XRCC4: variants seen among roughly 807,000 people sequenced by gnomAD.
XRCC4 encodes DNA repair protein XRCC4.
In XRCC4, 28 loss-of-function variants were observed where a neutral mutation model predicts 39.1. The ratio of observed to expected loss-of-function variants is 0.72; its 90% confidence interval spans 0.53 to 0.98. The LOEUF (loss-of-function observed/expected upper bound fraction) is 0.98, where lower values mean the gene tolerates loss of function less well. Ranked by LOEUF, XRCC4 falls within the 50% of genes least tolerant of loss-of-function variation. The pLI is 0.00. For missense variants in XRCC4, 350 were observed against 376.4 expected, an observed-to-expected ratio of 0.93 and a Z score of 0.58; for synonymous variants, 123 against 126.4, an observed-to-expected ratio of 0.97 and a Z score of 0.18.
intron 1 of XRCC4, among the ~76,000 whole-genome samples, chr5:83,086,231 G>T (rs997180003): frequency 1.3e-5 from 2 of 152,160 alleles, no homozygotes; most frequent in African/African-American, 4.8e-5. Context: ...TAGCTATAGA[G>T]TTGACCCTTG....
chr5:83,193,857 AT>A (rs1216971837), intron 3 of XRCC4, among the ~76,000 whole-genome samples: 17 of 152,052 alleles, frequency 1.1e-4, no homozygotes, highest in Non-Finnish European at 2.2e-4. Flanking sequence ...AAGTAAGCTT[AT>A]TTTTTTCTCC....
intron 7 of XRCC4, among the ~76,000 whole-genome samples, chr5:83,306,237 A>G (rs1003719993): frequency 2.5e-4 from 38 of 152,200 alleles, no homozygotes; most frequent in African/African-American, 8.9e-4. Flanking sequence ...ACACACAAAC[A>G]GATATACATA....
chr5:83,252,641 T>C (rs1753368680), intron 6 of XRCC4, among the ~76,000 whole-genome samples: 1 of 152,174 alleles, frequency 6.6e-6, no homozygotes, highest in Non-Finnish European at 1.5e-5. Flanking sequence ...ATTTACATTA[T>C]TATTTACTCT....
intron 3 of XRCC4, among the ~76,000 whole-genome samples, chr5:83,175,672 C>T (rs909585420): frequency 2.6e-5 from 4 of 151,902 alleles, no homozygotes; most frequent in Non-Finnish European, 4.4e-5. Context: ...GCAGTGGTGT[C>T]ATCTCGGCTT....
intron 7 of XRCC4, among the ~76,000 whole-genome samples, chr5:83,337,289 A>C (rs1756623048): frequency 6.6e-6 from 1 of 152,218 alleles, no homozygotes; most frequent in Non-Finnish European, 1.5e-5. Context: ...TAAGTAACAA[A>C]GATGTCCACA....
At chr5:83,080,762 G>A (rs1205021773) in intron 1 of XRCC4, among the ~76,000 whole-genome samples, 2 of 152,086 alleles carry the variant, frequency 1.3e-5, no homozygotes, top group Non-Finnish European at 2.9e-5. Flanking sequence ...CTTAATTATT[G>A]CTTCAAAGCA....
intron 7 of XRCC4, among the ~76,000 whole-genome samples, chr5:83,341,210 A>C (rs1442654289): frequency 6.6e-6 from 1 of 150,842 alleles, no homozygotes; most frequent in Non-Finnish European, 1.5e-5. Flanking sequence ...AAAAAAAAAC[A>C]ACAACAGTTT....
chr5:83,261,285 A>G (rs549266793), intron 7 of XRCC4, among the ~76,000 whole-genome samples: 105 of 152,092 alleles, frequency 6.9e-4, no homozygotes, highest in African/African-American at 2.3e-3. Context: ...ACTGCTACCT[A>G]TTTTCCTCCC....
At chr5:83,259,830 T>A (rs2112899815) in intron 7 of XRCC4, among the ~76,000 whole-genome samples, 1 of 152,180 alleles carries the variant, frequency 6.6e-6, no homozygotes, top group African/African-American at 2.4e-5. Context: ...TCAAAAATTT[T>A]TTAAAGTATA....
At chr5:83,170,410 C>T (rs955373700) in intron 3 of XRCC4, among the ~76,000 whole-genome samples, 2 of 152,122 alleles carry the variant, frequency 1.3e-5, no homozygotes, top group Admixed American at 1.3e-4. Flanking sequence ...ATCAGCTTGA[C>T]TCATTTGTGA....
intron 7 of XRCC4, among the ~76,000 whole-genome samples, chr5:83,259,611 C>G (rs972099014): frequency 3.3e-5 from 5 of 152,040 alleles, no homozygotes; most frequent in East Asian, 1.9e-4. Flanking sequence ...AGCTATCAAA[C>G]AGGTTTGAAA....
chr5:83,340,416 C>T (rs769261598), intron 7 of XRCC4, among the ~76,000 whole-genome samples: 1 of 152,238 alleles, frequency 6.6e-6, no homozygotes, highest in South Asian at 2.1e-4. Flanking sequence ...ACCTTAAAAA[C>T]AGTGAAATTA....
rs140643520 is a variant in XRCC4 at position 83,129,024 on chromosome 5, A to G, written c.315+17821A>G. Among the ~76,000 whole-genome samples the G allele has an allele frequency of 3.2e-3, 487 of 152,084 alleles. 2 individuals carry two copies. The highest frequency in any genetic ancestry group is 0.011 in the African/African-American group (464 of 41,504). ...TTTGGCTTTTGTTGCCATTGCTTTT[A>G]GTGTTTTAGTCATGAAGTCCTTGCC... On this transcript the variant is annotated intron_variant, in intron 3 of 7. Coordinates refer to ENST00000396027, the MANE Select transcript of XRCC4 (RefSeq NM_003401.5).
intron 6 of XRCC4, among the ~76,000 whole-genome samples, chr5:83,237,976 G>A (rs1200214258): frequency 6.6e-6 from 1 of 152,004 alleles, no homozygotes; most frequent in African/African-American, 2.4e-5. Flanking sequence ...AATTAAATAT[G>A]TTTAAAATAT....
intron 6 of XRCC4, among the ~76,000 whole-genome samples, chr5:83,257,840 T>C (rs1457140359): frequency 2.0e-5 from 3 of 152,162 alleles, no homozygotes; most frequent in Non-Finnish European, 4.4e-5. Context: ...ATATACACCA[T>C]GGAATACTAT....
chr5:83,236,544 C>G (rs1404536207), intron 6 of XRCC4, among the ~76,000 whole-genome samples: 1 of 151,838 alleles, frequency 6.6e-6, no homozygotes, highest in African/African-American at 2.4e-5. Context: ...CTATATCTCA[C>G]CATATACAAA....
intron 6 of XRCC4, among the ~76,000 whole-genome samples, chr5:83,253,127 T>G (rs1753390356): frequency 1.3e-5 from 2 of 152,122 alleles, no homozygotes; most frequent in South Asian, 4.1e-4. Context: ...GATGAGCCAG[T>G]AAAGGAGTAG....
In XRCC4 at chr5:83,281,736, T is replaced by A. The variant is rs3822716; in HGVS notation, c.893+23059T>A. ...CTGGCCTCATCTCTAACCACTTTTT[T>A]ATGTTCATCATTTATAGCACTGAAC... On this transcript the variant is annotated intron_variant, in intron 7 of 7. Coordinates refer to ENST00000396027, the MANE Select transcript of XRCC4 (RefSeq NM_003401.5). 2.9e-3 allele frequency among the ~76,000 whole-genome samples: 437 copies of A among 152,322 alleles called. 11 individuals carry two copies. In the East Asian group the frequency reaches 0.072, roughly 25 times the overall value.
At chr5:83,344,176 A>G (rs1257561565) in intron 7 of XRCC4, among the ~76,000 whole-genome samples, 1 of 151,584 alleles carries the variant, frequency 6.6e-6, no homozygotes, top group African/African-American at 2.4e-5. Flanking sequence ...TTGTTCAAAG[A>G]GTAATATTGC....
Sources: gnomAD v4.1 joint callset for allele counts (sites outside exome capture counted in the v4.1 genomes callset) on GRCh38, gnomAD v4.1.1 for gene constraint, MANE v1.5 for transcripts, NCBI Gene and HGNC (gene_info 2026-07-23, HGNC 2026-07-21) for gene names.